Variants in TLE4 observed in about 807,000 individuals in gnomAD.
The protein encoded by TLE4 is TLE family member 4, transcriptional corepressor, also known as transducin-like enhancer protein 4.
In TLE4, 8 loss-of-function variants were observed where a neutral mutation model predicts 92.8. The ratio of observed to expected loss-of-function variants is 0.09; its 90% confidence interval spans 0.05 to 0.16. TLE4 has a LOEUF of 0.16. TLE4 is among the 10% of genes least tolerant of loss of function. The pLI is 1.00. For missense variants in TLE4, 675 were observed against 997.6 expected (o/e 0.68, Z 4.36); for synonymous variants, 371 against 374.1 (o/e 0.99, Z 0.10).
chr9:79,658,774 A>G (rs534736402), intron 8 of TLE4, among the ~76,000 whole-genome samples: 1 of 152,350 alleles, frequency 6.6e-6, no homozygotes, highest in South Asian at 2.1e-4. Flanking sequence ...TTAGAAGTAC[A>G]TATTGTAAAA....
At chr9:79,578,591 C>T (rs1206945979) in intron 4 of TLE4, among the ~76,000 whole-genome samples, 1 of 152,104 alleles carries the variant, frequency 6.6e-6, no homozygotes, top group Non-Finnish European at 1.5e-5. Context: ...ATGTGGTGCT[C>T]ATCATCAGTC....
chr9:79,586,458 A>G (rs947053118), intron 4 of TLE4, among the ~76,000 whole-genome samples: 5 of 152,180 alleles, frequency 3.3e-5, no homozygotes, highest in African/African-American at 1.2e-4. Flanking sequence ...CAAAGGGACT[A>G]TGTAGCAGTT....
intron 6 of TLE4, among the ~76,000 whole-genome samples, chr9:79,642,433 CT>C (rs984411619): frequency 4.6e-5 from 7 of 151,116 alleles, no homozygotes; most frequent in African/African-American, 1.5e-4. Context: ...CTCAGCTTTA[CT>C]TTTTTTTAAA....
At chr9:79,636,173 G>C (rs2055755956) in intron 6 of TLE4, among the ~76,000 whole-genome samples, 1 of 151,982 alleles carries the variant, frequency 6.6e-6, no homozygotes, top group Non-Finnish European at 1.5e-5. Context: ...TGAGTGTGGT[G>C]GTGTCGTCTA....
intron 6 of TLE4, among the ~76,000 whole-genome samples, chr9:79,640,440 G>A (rs62569308): frequency 0.012 from 1,799 of 150,988 alleles, 12 homozygotes; most frequent in Non-Finnish European, 0.019. Flanking sequence ...TTTTCACTCC[G>A]CCTATCTTCA....
chr9:79,707,185 G>A (rs1376335531), intron 11 of TLE4: 4 of 1,612,788 alleles, frequency 2.5e-6, no homozygotes, highest in Non-Finnish European at 3.4e-6. Flanking sequence ...GCACATTGGG[G>A]TTACAGAGAT....
At chr9:79,655,650 C>G (rs1407593795) in intron 8 of TLE4, among the ~76,000 whole-genome samples, 1 of 152,156 alleles carries the variant, frequency 6.6e-6, no homozygotes, top group East Asian at 1.9e-4. Context: ...AGTACTTAGA[C>G]TAAAAAAGCA....
intron 4 of TLE4, among the ~76,000 whole-genome samples, chr9:79,594,257 A>G (rs1371027541): frequency 6.6e-6 from 1 of 152,218 alleles, no homozygotes; most frequent in East Asian, 1.9e-4. Flanking sequence ...CAAAAAGATC[A>G]GGTGATACTG....
chr9:79,572,941 G>A lies in TLE4; in HGVS notation c.45+106G>A, dbSNP rs1587524477. ...TTTGGCCGGAGGGGCGTGGAGAGCC[G>A]CCCGAAATCGGCGCCCCGCGCCGGG... is the stretch of plus-strand genomic sequence containing the variant. On this transcript the variant is annotated intron_variant, in intron 1 of 19. Coordinates refer to ENST00000376552, the MANE Select transcript of TLE4 (RefSeq NM_007005.6). The A allele has an allele frequency of 8.9e-6, 11 of 1,233,052 alleles. No homozygotes were observed. The East Asian group carries it at 3.1e-4, about 34-fold the overall frequency. 76.4% of individuals were successfully genotyped at this position (1,233,052 alleles called of 1,614,324 possible).
chr9:79,649,023 T>G (rs1249601337), intron 6 of TLE4, among the ~76,000 whole-genome samples: 1 of 152,142 alleles, frequency 6.6e-6, no homozygotes, highest in African/African-American at 2.4e-5. Flanking sequence ...ATTTCAGTGT[T>G]CTTGAAGCAG....
At chr9:79,604,976 T>A (rs2046467253) in intron 4 of TLE4, among the ~76,000 whole-genome samples, 3 of 151,956 alleles carry the variant, frequency 2.0e-5, no homozygotes. Flanking sequence ...CATTTATTTA[T>A]GTCAGTAGGA....
chr9:79,629,065 CAG>C (rs2053501069), intron 6 of TLE4, among the ~76,000 whole-genome samples: 1 of 152,082 alleles, frequency 6.6e-6, no homozygotes, highest in Non-Finnish European at 1.5e-5. Flanking sequence ...AGAGAATGTG[CAG>C]AGTGATCCCT....
chr9:79,685,729 C>A (rs2065705594), intron 8 of TLE4, among the ~76,000 whole-genome samples: 1 of 152,170 alleles, frequency 6.6e-6, no homozygotes, highest in African/African-American at 2.4e-5. Context: ...TCACTTATCC[C>A]ACTTAACTAC....
At chr9:79,578,779 A>G (rs2038747120) in intron 4 of TLE4, among the ~76,000 whole-genome samples, 1 of 152,134 alleles carries the variant, frequency 6.6e-6, no homozygotes, top group African/African-American at 2.4e-5. Context: ...GAACATAATT[A>G]ATTTAAATTT....
chr9:79,573,142 A>AT, intron 1 of TLE4: 1 of 703,330 alleles, frequency 1.4e-6, no homozygotes, highest in South Asian at 5.6e-5. Flanking sequence ...GCGAGCGATG[A>AT]AGGAGGCGCG....
At chr9:79,613,600 C>T (rs747003639) in intron 5 of TLE4, among the ~76,000 whole-genome samples, 8 of 152,124 alleles carry the variant, frequency 5.3e-5, no homozygotes, top group Non-Finnish European at 8.8e-5. Flanking sequence ...GTCTTGTAGC[C>T]GCAATACTTT....
chr9:79,638,455 C>A (rs1468282279), intron 6 of TLE4, among the ~76,000 whole-genome samples: 1 of 151,996 alleles, frequency 6.6e-6, no homozygotes, highest in Non-Finnish European at 1.5e-5. Context: ...TGCCTTTGAC[C>A]CCAACCTCTT....
At chr9:79,699,279 C>T (rs900920879) in intron 8 of TLE4, among the ~76,000 whole-genome samples, 2 of 152,262 alleles carry the variant, frequency 1.3e-5, no homozygotes, top group East Asian at 1.9e-4. Context: ...AAAGGATCTA[C>T]AGGGGCCTTC....
chr9:79,600,213 C>G (rs558117540), intron 4 of TLE4, among the ~76,000 whole-genome samples: 47 of 152,224 alleles, frequency 3.1e-4, no homozygotes, highest in South Asian at 8.3e-4. Context: ...TATAGGAACA[C>G]AATAGTTTGC....
Sources: gnomAD v4.1 joint callset for allele counts (sites outside exome capture counted in the v4.1 genomes callset) on GRCh38, gnomAD v4.1.1 for gene constraint, MANE v1.5 for transcripts, NCBI Gene and HGNC (gene_info 2026-07-23, HGNC 2026-07-21) for gene names.